Variants in BAZ2B observed in about 807,000 individuals in gnomAD.
BAZ2B encodes bromodomain adjacent to zinc finger domain 2B, also known as bromodomain adjacent to zinc finger domain protein 2B.
BAZ2B carries 91 observed loss-of-function variants against 246.0 expected under a neutral mutation model. The ratio of observed to expected loss-of-function variants is 0.37; its 90% CI spans 0.31 to 0.44. BAZ2B has a LOEUF of 0.44. Among genes scored for constraint, BAZ2B ranks in the 20% least tolerant of loss-of-function variants. The pLI, the probability that BAZ2B is intolerant of heterozygous loss-of-function variation, is 1.00. For synonymous variants in BAZ2B, 855 were observed against 860.0 expected (o/e 0.99, Z 0.10); for missense variants, 2,332 against 2,533.7 (o/e 0.92, Z 1.71).
the BAZ2B span, among the ~76,000 whole-genome samples, chr2:159,681,788 A>C: frequency 6.6e-6 from 1 of 151,966 alleles, no homozygotes; most frequent in African/African-American, 2.4e-5. Flanking sequence ...AGCCAGGCGT[A>C]GTGGTGGGTG....
Position 159,350,226 on chromosome 2 carries a change from C to A in BAZ2B, c.4345G>T (p.Asp1449Tyr), listed in dbSNP as rs1189718024. ...SNTDHCEQKE[D>Y]LKEKDNTNLF... ...TTTGTGTTATCTTTTTCTTTAAGAT[C>A]TTCCTTTTGTTCACAGTGATCTGTA... The change falls in exon 28 of 37, where the codon GAT becomes TAT. Residue 1449 changes from aspartate (D) to tyrosine (Y), a missense_variant. This residue lies in a region of BAZ2B where 676 missense variants were observed against 668.6 expected (regional missense o/e 1.01). Transcript: ENST00000392783. The A allele has an allele frequency of 1.9e-6, 3 of 1,613,748 alleles. No individual in the cohort carries two copies.
chr2:159,453,993 T>C (rs1233137227), intron 3 of BAZ2B, among the ~76,000 whole-genome samples, 192 bp from the exon 4 acceptor site: 2 of 152,124 alleles, frequency 1.3e-5, no homozygotes, highest in Non-Finnish European at 2.9e-5. Context: ...CTAAAAATCA[T>C]TAAAATAAAT....
At chr2:159,442,285 C>CTAGAAGTG (rs1459060017) in intron 6 of BAZ2B, among the ~76,000 whole-genome samples, 1 of 152,028 alleles carries the variant, frequency 6.6e-6, no homozygotes, top group Non-Finnish European at 1.5e-5. Flanking sequence ...AAGCCACCAG[C>CTAGAAGTG]TAGAAGTGGG....
At chr2:159,493,034 T>A (rs1268395058) in intron 2 of BAZ2B, among the ~76,000 whole-genome samples, 1 of 152,172 alleles carries the variant, frequency 6.6e-6, no homozygotes, top group Non-Finnish European at 1.5e-5. Flanking sequence ...AACTAAAATA[T>A]CTAAAAGTCA....
chr2:159,416,183 T>C (rs1015875699), intron 13 of BAZ2B, among the ~76,000 whole-genome samples: 1 of 152,226 alleles, frequency 6.6e-6, no homozygotes, highest in Non-Finnish European at 1.5e-5. Flanking sequence ...TATATACATA[T>C]GCTAAAAATA....
Position 159,478,658 on chromosome 2 carries a change from G to GA in BAZ2B, c.61dup (p.Ser21PhefsTer22). On this transcript the variant is annotated frameshift_variant, in exon 3 of 37. Coordinates refer to ENST00000392783, the MANE Select transcript of BAZ2B (RefSeq NM_013450.4). LOFTEE classifies it high-confidence loss of function. Reference sequence around the variant, plus strand: ...AACTACTGAAGCCACAGAAGGTGTCGAAGATGAAGTTGGTGTAGTAGAGGA... The same window carrying GA: ...AACTACTGAAGCCACAGAAGGTGTCGAAAGATGAAGTTGGTGTAGTAGAGGA... 6.2e-7 allele frequency: 1 copy of GA among 1,610,978 alleles called. No individual in the cohort carries two copies. Among genetic ancestry groups the GA allele is most frequent in the Non-Finnish European group, 8.5e-7 (1 of 1,178,186 alleles).
chr2:159,434,205 G>GAGTCTCACTCT (rs2071722937), intron 8 of BAZ2B: 4 of 152,008 alleles, frequency 2.6e-5, no homozygotes, highest in Admixed American at 6.6e-5. Context: ...TCTGTCACCA[G>GAGTCTCACTCT]GCTGGAGTGC....
At chr2:159,688,840 G>C in the BAZ2B span, among the ~76,000 whole-genome samples, 1 of 152,138 alleles carries the variant, frequency 6.6e-6, no homozygotes, top group Non-Finnish European at 1.5e-5. Context: ...TTCAGGTTAT[G>C]CATTTTTGCA....
At chr2:159,555,093 T>C (rs1456269913) in intron 2 of BAZ2B, among the ~76,000 whole-genome samples, 3 of 140,184 alleles carry the variant, frequency 2.1e-5, no homozygotes, top group African/African-American at 8.3e-5. Flanking sequence ...TGTGTGTATT[T>C]TTTTTTTTTT....
chr2:159,634,509 T>C, the BAZ2B span, among the ~76,000 whole-genome samples: 1 of 152,238 alleles, frequency 6.6e-6, no homozygotes, highest in Non-Finnish European at 1.5e-5. Context: ...TTTCATATTA[T>C]ACATTGTTGA....
intron 2 of BAZ2B, among the ~76,000 whole-genome samples, chr2:159,520,791 A>G (rs1316811811): frequency 6.6e-6 from 1 of 152,174 alleles, no homozygotes; most frequent in Non-Finnish European, 1.5e-5. Flanking sequence ...TTTTGAGAAC[A>G]CTACCAAAAA....
At chr2:159,431,270 G>C in intron 9 of BAZ2B, 114 bp from the exon 10 acceptor site, 1 of 1,402,996 alleles carries the variant, frequency 7.1e-7, no homozygotes, top group Non-Finnish European at 9.4e-7. Flanking sequence ...GAACTCAAAT[G>C]AGCAATTTTC....
chr2:159,435,980 A>C (rs2072210515), intron 8 of BAZ2B, among the ~76,000 whole-genome samples: 1 of 152,230 alleles, frequency 6.6e-6, no homozygotes, highest in Admixed American at 6.5e-5. Context: ...TTAATTAGTA[A>C]TTATTCAGTA....
chr2:159,414,688 G>C (rs1055771869), intron 13 of BAZ2B, among the ~76,000 whole-genome samples: 3 of 151,888 alleles, frequency 2.0e-5, no homozygotes, highest in African/African-American at 7.3e-5. Context: ...ACGGTGGCGG[G>C]TGCCTGTAGT....
intron 2 of BAZ2B, among the ~76,000 whole-genome samples, chr2:159,538,404 T>C (rs915544637): frequency 2.0e-5 from 3 of 152,234 alleles, no homozygotes; most frequent in Non-Finnish European, 2.9e-5. Flanking sequence ...TGCATTTATT[T>C]GTAACTGCAT....
chr2:159,530,185 C>A (rs1363546921), intron 2 of BAZ2B, among the ~76,000 whole-genome samples: 2 of 152,170 alleles, frequency 1.3e-5, no homozygotes, highest in Admixed American at 1.3e-4. Context: ...TAACCTTCAC[C>A]CTCTAAAACA....
chr2:159,429,165 G>T, intron 11 of BAZ2B, 35 bp downstream of exon 11: 2 of 1,418,644 alleles, frequency 1.4e-6, no homozygotes, highest in Non-Finnish European at 1.9e-6. Flanking sequence ...AAATATATGG[G>T]GGAAAAAGAA....
intron 3 of BAZ2B, among the ~76,000 whole-genome samples, chr2:159,477,688 A>C (rs2078765966): frequency 6.6e-6 from 1 of 152,214 alleles, no homozygotes; most frequent in Non-Finnish European, 1.5e-5. Context: ...CTACCGATAA[A>C]TAAATGAGTT....
At chr2:159,685,995 C>T in the BAZ2B span, among the ~76,000 whole-genome samples, 55,033 of 152,082 alleles carry the variant, frequency 0.36, 10,159 homozygotes, top group South Asian at 0.46. Context: ...GCCCTGGTGG[C>T]CCCCACCTGT....
Sources: gnomAD v4.1 joint callset for allele counts (sites outside exome capture counted in the v4.1 genomes callset) on GRCh38, gnomAD v4.1.1 for gene constraint, gnomAD v4.1.1 regional missense constraint, MANE v1.5 for transcripts, NCBI Gene and HGNC (gene_info 2026-07-23, HGNC 2026-07-21) for gene names.